The following TTLL4 variants were observed in gnomAD, a reference collection of about 807,000 sequenced individuals.
TTLL4 encodes the protein tubulin monoglutamylase TTLL4.
In TTLL4, 85 loss-of-function variants were observed where a neutral mutation model predicts 122.7. The observed-to-expected ratio is 0.69, with a 90% CI of 0.58 to 0.83. The LOEUF is 0.83. Ranked by LOEUF, TTLL4 falls within the 40% of genes least tolerant of loss-of-function variation. The pLI is 0.00. For synonymous variants in TTLL4, 553 were observed against 563.0 expected, an observed-to-expected ratio of 0.98 and a Z score of 0.25; for missense variants, 1,363 against 1,488.6, an observed-to-expected ratio of 0.92 and a Z score of 1.39.
chr2:218,724,963 G>A lies in TTLL4; in HGVS notation c.-177-2306G>A, dbSNP rs982563481. The stretch of plus-strand genomic sequence containing the variant: ...CATCCAGGCTGGAGTGCAGTGGCGT[G>A]ATCATGGCTCACTGCAGTCTCGACT... On this transcript the variant is annotated intron_variant, in intron 1 of 19. Coordinates refer to ENST00000392102, the MANE Select transcript of TTLL4 (RefSeq NM_014640.5). Among the ~76,000 whole-genome samples, 13 of 152,082 alleles carry A rather than the reference G, an allele frequency of 8.5e-5. 1 individual carries two copies. Among genetic ancestry groups the A allele is most frequent in the Admixed American group, 8.5e-4 (13 of 15,260 alleles).
chr2:218,738,193 C>A lies in TTLL4; in HGVS notation c.517C>A (p.Pro173Thr). The change falls in exon 3 of 20, where the codon CCC (proline) becomes ACC (threonine). Residue 173 changes from proline (P) to threonine (T), a missense_variant. Transcript: ENST00000392102. Reference protein sequence around the residue: ...TSSMVFSMAQPMASSSTEPYL... With the variant: ...TSSMVFSMAQTMASSSTEPYL... The stretch of plus-strand genomic sequence containing the variant: ...TTCCATGGTCTTCTCCATGGCCCAG[C>A]CCATGGCCTCCTCATCCACAGAACC... The A allele has an allele frequency of 6.2e-7, 1 of 1,614,074 alleles. No individual in the cohort carries two copies. Among genetic ancestry groups the A allele is most frequent in the Admixed American group, 1.7e-5 (1 of 60,020 alleles).
intron 2 of TTLL4, among the ~76,000 whole-genome samples, chr2:218,735,967 C>CTT (rs765207077): frequency 0.02 from 1,589 of 79,928 alleles, 25 homozygotes; most frequent in African/African-American, 0.026. Context: ...CGTGCCCAGC[C>CTT]TTTTTTTTTT....
rs760994695 is a variant in TTLL4 at position 218,738,970 on chromosome 2, A to G, written c.1294A>G (p.Asn432Asp). Residue 432 changes from asparagine (N) to aspartate (D), a missense_variant, in exon 3 of 20, where the codon AAT (asparagine) becomes GAT (aspartate). Asn to Asp is a conservative substitution (Grantham distance 23). Transcript: ENST00000392102. The part of the protein sequence containing the change: ...HLLASHASGL[N>D]HNPACESVID... ...CCTTGCCTCACATGCCAGTGGGCTC[A>G]ATCACAACCCTGCCTGTGAATCTGT... The G allele has an allele frequency of 1.2e-6, 2 of 1,614,192 alleles. No homozygotes were observed. Among genetic ancestry groups the G allele is most frequent in the Non-Finnish European group, 1.7e-6 (2 of 1,180,032 alleles).
chr2:218,759,064 G>C (rs189836407), downstream of TTLL4, among the ~76,000 whole-genome samples: 664 of 151,950 alleles, frequency 4.4e-3, 5 homozygotes, highest in African/African-American at 0.015. Flanking sequence ...GACCAACATG[G>C]AGAAACGCCA....
At chr2:218,744,532 A>G (rs1942787655) in intron 5 of TTLL4, among the ~76,000 whole-genome samples, 1 of 152,216 alleles carries the variant, frequency 6.6e-6, no homozygotes, top group South Asian at 2.1e-4. Context: ...ACATAAAATT[A>G]CAGTGTCACA....
At chr2:218,756,532 A>G (rs1943154755), downstream of TTLL4, among the ~76,000 whole-genome samples, 1 of 152,202 alleles carries the variant, frequency 6.6e-6, no homozygotes, top group Non-Finnish European at 1.5e-5. Flanking sequence ...TGGGACTTAC[A>G]TACCACATTT....
chr2:218,756,678 A>T (rs1357530825), downstream of TTLL4, among the ~76,000 whole-genome samples: 1 of 152,180 alleles, frequency 6.6e-6, no homozygotes, highest in Admixed American at 6.6e-5. Context: ...GGGAAGGTTA[A>T]ATTGGGAGTA....
In TTLL4 at chr2:218,738,904, G is replaced by A. The variant is rs760908025; in HGVS notation, c.1228G>A (p.Asp410Asn). 5 of 1,614,184 alleles carry A rather than the reference G, an allele frequency of 3.1e-6. No homozygotes were observed. In the Admixed American group the frequency reaches 8.3e-5, roughly 27 times the overall value. Reference sequence around the variant, plus strand: ...TGGTGCCTCAGATACCTTGGGGTTGGACAATACAGTCTTCTGTACCAAGCG... The same window carrying A: ...TGGTGCCTCAGATACCTTGGGGTTGAACAATACAGTCTTCTGTACCAAGCG... ...LPGASDTLGL[D>N]NTVFCTKRIS... The change falls in exon 3 of 20, where the codon GAC (aspartate) becomes AAC (asparagine). Residue 410 changes from aspartate to asparagine, a missense_variant. This residue lies in a region of TTLL4 where 760 missense variants were observed against 808.4 expected (regional missense o/e 0.94). Transcript: ENST00000392102.
At chr2:218,711,256 C>T (rs942035303) in intron 1 of TTLL4, among the ~76,000 whole-genome samples, 3 of 152,220 alleles carry the variant, frequency 2.0e-5, no homozygotes, top group African/African-American at 7.2e-5. Flanking sequence ...AGCCCTTCTC[C>T]TCTCCGCCAC....
chr2:218,746,986 C>A lies in TTLL4; in HGVS notation c.1975-17C>A, dbSNP rs778071469. ...ACCTCTGCCCTCTTCCTGCACTCACCCTTTTCCCTTTTGTAGCTAAACCAT... is the reference window on the plus strand; with the variant it reads ...ACCTCTGCCCTCTTCCTGCACTCACACTTTTCCCTTTTGTAGCTAAACCAT... On this transcript the variant is annotated splice_polypyrimidine_tract_variant and intron_variant, in intron 8 of 19. Coordinates refer to ENST00000392102, the MANE Select transcript of TTLL4 (RefSeq NM_014640.5). The A allele has an allele frequency of 1.9e-6, 3 of 1,612,142 alleles. No homozygotes were observed. The South Asian group carries it at 3.3e-5, about 18-fold the overall frequency.
chr2:218,740,544 A>G lies in TTLL4; in HGVS notation c.1621A>G (p.Ser541Gly). 1 of 1,614,172 alleles carries G rather than the reference A, an allele frequency of 6.2e-7. No individual in the cohort carries two copies. The highest frequency in any genetic ancestry group is 1.1e-5 in the South Asian group (1 of 91,078). Residue 541 changes from serine (S) to glycine (G), a missense_variant, in exon 5 of 20, where the codon AGT (serine) becomes GGT (glycine). Around this residue, in one of 3 missense-constraint regions of TTLL4, gnomAD observed 760 missense variants for 808.4 expected, o/e 0.94. Transcript: ENST00000392102. ...EEGDSECSSLSAVSPSESVAM... is the reference protein window; with the variant it reads ...EEGDSECSSLGAVSPSESVAM... ...AGGAGACTCAGAGTGCTCCTCATTAAGTGCTGTCTCCCCCAGCGAATCGGT... is the reference window on the plus strand; with the variant it reads ...AGGAGACTCAGAGTGCTCCTCATTAGGTGCTGTCTCCCCCAGCGAATCGGT...
At chr2:218,719,959 T>A (rs1941984419) in intron 1 of TTLL4, among the ~76,000 whole-genome samples, 1 of 152,180 alleles carries the variant, frequency 6.6e-6, no homozygotes, top group African/African-American at 2.4e-5. Context: ...GGAGGAAGAA[T>A]GCTAAGTAGA....
chr2:218,740,899 C>G (rs752669186), intron 5 of TTLL4, among the ~76,000 whole-genome samples: 1 of 152,042 alleles, frequency 6.6e-6, no homozygotes, highest in Non-Finnish European at 1.5e-5. Context: ...ATGGCAAAAC[C>G]CTGTCTCTAC....
intron 1 of TTLL4, among the ~76,000 whole-genome samples, chr2:218,711,735 C>T (rs1941712721): frequency 6.6e-6 from 1 of 151,760 alleles, no homozygotes. Context: ...TGTGATAGAA[C>T]AGGAAATACT....
rs917954503 is a variant in TTLL4, at chr2:218,746,856, C to G, written c.1975-147C>G. 2.6e-5 allele frequency: 21 copies of G among 798,872 alleles called. No homozygotes were observed. The African/African-American group carries it at 3.6e-4, about 14-fold the overall frequency. 49.5% of individuals were successfully genotyped at this position (798,872 alleles called of 1,614,324 possible). A position where few individuals can be genotyped will look rare whatever the true frequency, so the allele number is the denominator to read the frequency against. On this transcript the variant is annotated intron_variant, in intron 8 of 19. Transcript: ENST00000392102. ...TTGGTGAGTGCTCTGCAGTTGGATA[C>G]TTGAGGACCATTAGGGTGGTGATAG...
At chr2:218,750,846 T>C (rs1243479022) in intron 15 of TTLL4, among the ~76,000 whole-genome samples, 1 of 152,136 alleles carries the variant, frequency 6.6e-6, no homozygotes, top group African/African-American at 2.4e-5. Context: ...TACACCTTCA[T>C]GAGGCCAACT....
At chr2:218,758,781 C>T (rs12613545), downstream of TTLL4, among the ~76,000 whole-genome samples, 75,671 of 152,112 alleles carry the variant, frequency 0.5, 19,561 homozygotes, top group African/African-American at 0.61. Context: ...TAGATTCTTA[C>T]AAAGTGAAAC....
intron 1 of TTLL4, among the ~76,000 whole-genome samples, chr2:218,721,452 C>A (rs998887632): frequency 6.6e-6 from 1 of 152,164 alleles, no homozygotes; most frequent in Non-Finnish European, 1.5e-5. Flanking sequence ...GTGGAAGCAG[C>A]CTTGTGGTAC....
chr2:218,745,045 G>A, intron 5 of TTLL4, 64 bp from the exon 6 acceptor site: 1 of 1,589,022 alleles, frequency 6.3e-7, no homozygotes, highest in African/African-American at 1.3e-5. Flanking sequence ...GTACGTCGTA[G>A]TAACGACGCT....
Sources: allele counts gnomAD v4.1 joint callset (sites outside exome capture counted in the v4.1 genomes callset), GRCh38; gene constraint gnomAD v4.1.1; regional missense constraint gnomAD v4.1.1; transcripts MANE v1.5; gene names NCBI Gene and HGNC (gene_info 2026-07-23, HGNC 2026-07-21).